The following NID2 variants were observed in gnomAD, a reference collection of about 807,000 sequenced individuals.
NID2 encodes nidogen-2.
Under a neutral mutation model 145.4 loss-of-function variants are expected in NID2, and 83 were observed. That is an observed-to-expected ratio of 0.57 (90% CI 0.48 to 0.69). The LOEUF is 0.69. NID2 is among the 30% of genes least tolerant of loss of function. The pLI, the probability that NID2 is intolerant of heterozygous loss-of-function variation, is 0.00. For missense variants in NID2, 1,807 were observed against 1,765.7 expected (o/e 1.02, Z -0.42); for synonymous variants, 739 against 701.3 (o/e 1.05, Z -0.85).
chr14:52,060,315 A>G lies in NID2; in HGVS notation c.576T>C (p.Asp192=), dbSNP rs755320424. The change falls in exon 3 of 22, where the codon GAT becomes GAC. Residue 192 remains aspartate (D), a synonymous_variant. Transcript: ENST00000216286. The part of the protein sequence containing the change: ...FQAVLASDGS[D]SYALFLYPAN... ...CAGGATAAAGAAAGAGGGCGTAGCT[A>G]TCAGACCCATCAGATGCCAAAACTG... 1.2e-6 allele frequency: 2 copies of G among 1,600,632 alleles called. No individual in the cohort carries two copies. The highest frequency in any genetic ancestry group is 2.2e-5 in the East Asian group (1 of 44,558).
At chr14:52,047,496 CTGAG>C (rs1272637846) in intron 5 of NID2, among the ~76,000 whole-genome samples, 4 of 152,094 alleles carry the variant, frequency 2.6e-5, no homozygotes, top group Non-Finnish European at 5.9e-5. Flanking sequence ...GAGCTTTCAT[CTGAG>C]TGAGATGGGA....
chr14:52,008,021 C>A, intron 18 of NID2, 54 bp from the exon 19 acceptor site: 3 of 1,483,192 alleles, frequency 2.0e-6, no homozygotes, highest in Non-Finnish European at 1.8e-6. Context: ...CTGTGGTAGG[C>A]AGCATCTAAG....
intron 20 of NID2, 171 bp downstream of exon 20, chr14:52,006,366 A>G: frequency 1.5e-6 from 1 of 676,326 alleles, no homozygotes; most frequent in South Asian, 2.0e-5. Flanking sequence ...CAAAAACATG[A>G]AAGGATGAAA....
chr14:52,036,097 G>A (rs545789432), intron 9 of NID2, among the ~76,000 whole-genome samples: 4 of 151,892 alleles, frequency 2.6e-5, no homozygotes, highest in South Asian at 2.1e-4. Flanking sequence ...TTATCCAACC[G>A]TCACCACAAT....
At chr14:52,040,010 G>A (rs1006435985) in intron 8 of NID2, among the ~76,000 whole-genome samples, 1 of 152,044 alleles carries the variant, frequency 6.6e-6, no homozygotes, top group African/African-American at 2.4e-5. Context: ...GCACAATCTC[G>A]GCTCACTGCA....
chr14:52,011,799 G>A (rs1891040806), intron 16 of NID2, 116 bp from the exon 17 acceptor site: 11 of 1,261,500 alleles, frequency 8.7e-6, no homozygotes, highest in Admixed American at 1.8e-5. Context: ...TGATCCTGCA[G>A]GCAACAGAGC....
chr14:52,007,674 TTTACTAGTACTTAA>T (rs1161313324), intron 19 of NID2, 122 bp downstream of exon 19: 175 of 801,558 alleles, frequency 2.2e-4, no homozygotes, highest in Admixed American at 6.9e-4. Context: ...AGTACTTAAA[TTTACTAGTACTTAA>T]AAGTTTACAG....
At chr14:52,034,628 C>T (rs1386889267) in intron 9 of NID2, among the ~76,000 whole-genome samples, 2 of 152,160 alleles carry the variant, frequency 1.3e-5, no homozygotes, top group African/African-American at 2.4e-5. Context: ...GTCCTTGTAC[C>T]TTAATCTTGT....
intron 9 of NID2, among the ~76,000 whole-genome samples, chr14:52,030,489 G>GA (rs146955036): frequency 0.22 from 10,657 of 48,450 alleles, 974 homozygotes; most frequent in South Asian, 0.26. Flanking sequence ...AGAAAAGAAA[G>GA]AAAGAAAGAA....
chr14:52,041,110 G>A (rs1266035515), intron 7 of NID2, among the ~76,000 whole-genome samples: 1 of 152,036 alleles, frequency 6.6e-6, no homozygotes, highest in Non-Finnish European at 1.5e-5. Context: ...ATACTCTTGG[G>A]AACGTCCTTG....
Position 52,011,633 on chromosome 14 carries a change from G to A in NID2, c.3471C>T (p.Tyr1157=), listed in dbSNP as rs763519335. The A allele has an allele frequency of 4.3e-6, 7 of 1,614,182 alleles. No individual in the cohort carries two copies. In the South Asian group the frequency reaches 4.4e-5, roughly 10 times the overall value. The change falls in exon 17 of 22, where the codon TAC becomes TAT. Residue 1157 remains tyrosine, a synonymous_variant. Transcript: ENST00000216286. ...TTGTCCGTCCAGCAACATCTGTCCA[G>A]TACACCATCCTCTCCCGGCAGTCGT... is the stretch of plus-strand genomic sequence containing the variant. The part of the protein sequence containing the change: ...IDYDCRERMV[Y]WTDVAGRTIS...
intron 5 of NID2, among the ~76,000 whole-genome samples, chr14:52,049,173 C>CTT (rs3837608): frequency 2.7e-5 from 4 of 150,398 alleles, no homozygotes; most frequent in Non-Finnish European, 4.4e-5. Context: ...TTTTAAATCT[C>CTT]TTTTTTTTCT....
chr14:52,049,061 C>G (rs945297452), intron 5 of NID2, among the ~76,000 whole-genome samples: 8 of 152,126 alleles, frequency 5.3e-5, no homozygotes, highest in Admixed American at 1.3e-4. Context: ...CCTCAGGGCA[C>G]AGCAGGAGGG....
In NID2 at chr14:52,019,285, G is replaced by C; in HGVS notation, c.2804C>G (p.Ser935Ter). ...DGFQCIPDST[S>*]SLTPCEQQQR... is the part of the protein sequence containing the mutation. ...CTGTTGTTCACAGGGTGTCAGGCTT[G>C]AGGTGGAGTCTTCCAGGATCAAGGC... The change falls in exon 14 of 22, where the codon TCA becomes TGA. Residue 935 changes from serine to a stop codon, truncating the protein, a stop_gained. Transcript: ENST00000216286. LOFTEE classifies it high-confidence loss of function. 1.3e-6 allele frequency: 2 copies of C among 1,585,598 alleles called. No individual in the cohort carries two copies. The highest frequency in any genetic ancestry group is 1.7e-6 in the Non-Finnish European group (2 of 1,158,402).
At chr14:52,011,496 T>C (rs1164233930) in intron 17 of NID2, 58 bp downstream of exon 17, 3 of 1,609,286 alleles carry the variant, frequency 1.9e-6, no homozygotes, top group African/African-American at 2.7e-5. Context: ...CGGCGTAAAG[T>C]AGACAAGTGA....
chr14:52,008,458 C>T (rs1890879638), intron 18 of NID2: 1 of 152,814 alleles, frequency 6.5e-6, no homozygotes. Flanking sequence ...ACTTGGATTC[C>T]TGACTCACAG....
chr14:52,060,113 A>G lies in NID2; in HGVS notation c.767+11T>C. The G allele has an allele frequency of 1.3e-6, 2 of 1,579,802 alleles. No individual in the cohort carries two copies. Among genetic ancestry groups the G allele is most frequent in the Non-Finnish European group, 8.7e-7 (1 of 1,152,032 alleles). Reference sequence around the variant, plus strand: ...TCAAATAGGAAAGGGCTTCAGCTCAATGTTACTTACTGATAGAGATTTTTC... The same window carrying G: ...TCAAATAGGAAAGGGCTTCAGCTCAGTGTTACTTACTGATAGAGATTTTTC... On this transcript the variant is annotated intron_variant, in intron 3 of 21. Transcript: ENST00000216286.
At chr14:52,026,555 A>G (rs1161255990) in intron 12 of NID2, among the ~76,000 whole-genome samples, 1 of 152,206 alleles carries the variant, frequency 6.6e-6, no homozygotes, top group African/African-American at 2.4e-5. Context: ...AATGATTTCT[A>G]TTTTAAAGTA....
intron 2 of NID2, among the ~76,000 whole-genome samples, chr14:52,067,332 AG>A (rs2140440565): frequency 6.6e-6 from 1 of 152,354 alleles, no homozygotes; most frequent in East Asian, 1.9e-4. Context: ...CTGTGAAAAA[AG>A]CAAGTTATAA....
Sources: allele counts gnomAD v4.1 joint callset (sites outside exome capture counted in the v4.1 genomes callset), GRCh38; gene constraint gnomAD v4.1.1; transcripts MANE v1.5; gene names NCBI Gene and HGNC (gene_info 2026-07-23, HGNC 2026-07-21).